Variants in MDGA2 observed in about 807,000 individuals in gnomAD.
The protein encoded by MDGA2 is MAM domain containing glycosylphosphatidylinositol anchor 2, also known as MAM domain-containing glycosylphosphatidylinositol anchor protein 2.
Under a neutral mutation model 117.8 loss-of-function variants are expected in MDGA2, and 40 were observed. The ratio of observed to expected loss-of-function variants is 0.34; its 90% CI spans 0.26 to 0.44. The LOEUF is 0.44. Ranked by LOEUF, MDGA2 falls within the 20% of genes least tolerant of loss-of-function variation. MDGA2 has a pLI of 1.00. For missense variants in MDGA2, 1,123 were observed against 1,250.6 expected, an observed-to-expected ratio of 0.90 and a Z score of 1.54; for synonymous variants, 452 against 439.0, an observed-to-expected ratio of 1.03 and a Z score of -0.37.
At chr14:47,357,329 C>T (rs1014144582) in intron 1 of MDGA2, among the ~76,000 whole-genome samples, 16 of 152,188 alleles carry the variant, frequency 1.1e-4, no homozygotes, top group African/African-American at 3.9e-4. Context: ...TGAGATCACC[C>T]TAAAAAAATT....
At chr14:47,251,068 A>C (rs1390364222) in intron 2 of MDGA2, among the ~76,000 whole-genome samples, 1 of 152,220 alleles carries the variant, frequency 6.6e-6, no homozygotes, top group East Asian at 1.9e-4. Context: ...AAAGTACACT[A>C]ATTATATCCT....
rs1234810133 is a variant in MDGA2, at chr14:47,119,176, C to T, written c.925+12538G>A. 5.2e-4 allele frequency among the ~76,000 whole-genome samples: 34 copies of T among 64,872 alleles called. 4 individuals are homozygous for T. Among genetic ancestry groups the T allele is most frequent in the African/African-American group, 1.4e-3 (34 of 23,544 alleles). The allele number at this position is 64,872 out of a possible 152,430, so 42.6% of individuals were successfully genotyped here. A position where few individuals can be genotyped will look rare whatever the true frequency, so the allele number is the denominator to read the frequency against. ...CGCCATTCTCCTGCCTCAGCCCCGC[C>T]CCCCCCCCCCCACCCCGTAGCTGGG... is the stretch of plus-strand genomic sequence containing the variant. On this transcript the variant is annotated intron_variant, in intron 5 of 16. Transcript: ENST00000399232.
chr14:46,965,865 G>A (rs1886008735), intron 8 of MDGA2, among the ~76,000 whole-genome samples: 4 of 152,064 alleles, frequency 2.6e-5, no homozygotes, highest in African/African-American at 9.7e-5. Flanking sequence ...CAACATGAAG[G>A]AAATGAAATA....
intron 6 of MDGA2, among the ~76,000 whole-genome samples, chr14:47,075,965 C>T (rs1420390275): frequency 3.3e-5 from 5 of 151,944 alleles, no homozygotes. Flanking sequence ...CATTTATGAC[C>T]CTTTGAAAAC....
intron 7 of MDGA2, among the ~76,000 whole-genome samples, chr14:47,060,155 A>G (rs1463650339): frequency 6.6e-6 from 1 of 152,118 alleles, no homozygotes; most frequent in African/African-American, 2.4e-5. Context: ...ATGTCCAAAC[A>G]CAAGTACTTT....
At chr14:47,493,398 C>T (rs948947556) in intron 1 of MDGA2, among the ~76,000 whole-genome samples, 10 of 151,562 alleles carry the variant, frequency 6.6e-5, no homozygotes, top group African/African-American at 2.2e-4. Context: ...TCACTGCAAC[C>T]TTCGCCTCCC....
At chr14:47,227,939 T>C (rs72680243) in intron 2 of MDGA2, among the ~76,000 whole-genome samples, 39,369 of 151,906 alleles carry the variant, frequency 0.26, 5,249 homozygotes, top group Admixed American at 0.32. Context: ...GTTCAGGCCT[T>C]TCCCTTGAAT....
chr14:47,155,693 A>G (rs186506337), intron 3 of MDGA2, among the ~76,000 whole-genome samples: 2 of 151,930 alleles, frequency 1.3e-5, no homozygotes, highest in African/African-American at 4.8e-5. Flanking sequence ...CAGGTGTGAG[A>G]TCCAGGCCAG....
At chr14:47,191,325 T>G (rs1566673619) in intron 3 of MDGA2, among the ~76,000 whole-genome samples, 1 of 151,182 alleles carries the variant, frequency 6.6e-6, no homozygotes, top group African/African-American at 2.4e-5. Context: ...AACCAGTATC[T>G]TTTCTTTCAT....
At chr14:47,561,677 A>G (rs1191877131) in intron 1 of MDGA2, among the ~76,000 whole-genome samples, 1 of 152,080 alleles carries the variant, frequency 6.6e-6, no homozygotes, top group Non-Finnish European at 1.5e-5. Flanking sequence ...TGCAAACAGG[A>G]ATAGTTTGAC....
intron 1 of MDGA2, among the ~76,000 whole-genome samples, chr14:47,335,734 T>TATATATATATATA (rs1555374518): frequency 2.3e-4 from 11 of 48,028 alleles, no homozygotes; most frequent in African/African-American, 4.4e-4. Flanking sequence ...CACATATATT[T>TATATATATATATA]TATATATATA....
intron 8 of MDGA2, among the ~76,000 whole-genome samples, chr14:46,965,017 G>A (rs1280335826): frequency 8.7e-6 from 1 of 114,914 alleles, no homozygotes; most frequent in African/African-American, 4.7e-5. Context: ...TCCGCCTCCC[G>A]GGTTCACGCC....
chr14:47,130,882 A>T (rs1318061091), intron 5 of MDGA2, among the ~76,000 whole-genome samples: 1 of 152,116 alleles, frequency 6.6e-6, no homozygotes, highest in Non-Finnish European at 1.5e-5. Flanking sequence ...AGTCTAATAT[A>T]GTTACTTAAA....
intron 1 of MDGA2, among the ~76,000 whole-genome samples, chr14:47,617,204 TTA>T (rs1033948492): frequency 5.9e-5 from 9 of 151,754 alleles, no homozygotes; most frequent in African/African-American, 2.2e-4. Context: ...TTAAATTGTA[TTA>T]GTCTTTTTTT....
chr14:46,912,321 C>T (rs148202943), intron 10 of MDGA2, among the ~76,000 whole-genome samples: 2 of 152,212 alleles, frequency 1.3e-5, no homozygotes, highest in African/African-American at 2.4e-5. Flanking sequence ...GATTTTTCTA[C>T]CCTGCAGTTC....
chr14:47,270,108 T>A (rs1888097768), intron 2 of MDGA2, among the ~76,000 whole-genome samples: 1 of 152,186 alleles, frequency 6.6e-6, no homozygotes, highest in Non-Finnish European at 1.5e-5. Flanking sequence ...TGCATAACTA[T>A]CTACTTAAGA....
rs1885489474 is a variant in MDGA2, at chr14:47,201,075, A to G, written c.595+16946T>C. Reference sequence around the variant, plus strand: ...GGCGGCCCAGGAGATGGCCTCGACCATCAAGCACCAAGACCTGCACCTCCG... The same window carrying G: ...GGCGGCCCAGGAGATGGCCTCGACCGTCAAGCACCAAGACCTGCACCTCCG... On this transcript the variant is annotated intron_variant, in intron 3 of 16. Coordinates refer to ENST00000399232, the MANE Select transcript of MDGA2 (RefSeq NM_001113498.3). 6 of 1,096,470 alleles carry G rather than the reference A, an allele frequency of 5.5e-6. No individual in the cohort carries two copies. In the African/African-American group the frequency reaches 6.1e-5, roughly 11 times the overall value. 67.9% of individuals were successfully genotyped at this position (1,096,470 alleles called of 1,614,324 possible).
intron 1 of MDGA2, among the ~76,000 whole-genome samples, chr14:47,440,311 CT>C (rs757809032): frequency 1.2e-4 from 19 of 152,090 alleles, no homozygotes; most frequent in Non-Finnish European, 2.2e-4. Flanking sequence ...GAAGTGTGAT[CT>C]CCACTATTAC....
intron 5 of MDGA2, among the ~76,000 whole-genome samples, chr14:47,118,302 A>C (rs1881440210): frequency 2.0e-5 from 3 of 152,222 alleles, no homozygotes; most frequent in Non-Finnish European, 4.4e-5. Flanking sequence ...GAATAAGATA[A>C]TACTGTAATG....
Sources: gnomAD v4.1 joint callset for allele counts (sites outside exome capture counted in the v4.1 genomes callset) on GRCh38, gnomAD v4.1.1 for gene constraint, MANE v1.5 for transcripts, NCBI Gene and HGNC (gene_info 2026-07-23, HGNC 2026-07-21) for gene names.